Variants in EDA2R observed in about 807,000 individuals in gnomAD.
EDA2R encodes ectodysplasin A2 receptor.
A neutral mutation model predicts 20.1 loss-of-function variants in EDA2R; 26 were observed. The observed-to-expected ratio is 1.30, with a 90% confidence interval of 0.95 to 1.80. The LOEUF is 1.80. Ranked by LOEUF, EDA2R falls within the 40% of genes most tolerant of loss-of-function variation. The probability of loss-of-function intolerance (pLI) is 0.00; values close to 1 mark genes in which losing one functional copy is unlikely to be tolerated. For synonymous variants in EDA2R, 114 were observed against 88.7 expected (o/e 1.29, Z -1.60); for missense variants, 277 against 228.7 (o/e 1.21, Z -1.36).
intron 2 of EDA2R, among the ~76,000 whole-genome samples, chrX:66,606,864 G>A (rs1929774275): frequency 9.0e-6 from 1 of 111,716 alleles, no homozygotes; most frequent in South Asian, 3.8e-4. Context: ...GCTATTTGAA[G>A]GACTGATACA....
At chrX:66,633,923 G>T (rs1249375916) in intron 1 of EDA2R, among the ~76,000 whole-genome samples, 1 of 111,258 alleles carries the variant, frequency 9.0e-6, no homozygotes, top group East Asian at 2.8e-4. Flanking sequence ...AAGTTTGTTG[G>T]TCTTGCCCCA....
intron 1 of EDA2R, among the ~76,000 whole-genome samples, chrX:66,619,869 A>G (rs950136998): frequency 2.5e-4 from 28 of 111,660 alleles, no homozygotes; most frequent in Non-Finnish European, 4.5e-4. Flanking sequence ...AGTACAACAT[A>G]TACATAGTAA....
chrX:66,631,734 A>G (rs969761848), intron 1 of EDA2R, among the ~76,000 whole-genome samples: 1 of 111,853 alleles, frequency 8.9e-6, no homozygotes, highest in Admixed American at 9.5e-5. Flanking sequence ...AAGTGAAGAC[A>G]AACAGAATGA....
chrX:66,638,086 G>T (rs1275358365), intron 1 of EDA2R, among the ~76,000 whole-genome samples: 1 of 112,104 alleles, frequency 8.9e-6, no homozygotes, highest in Non-Finnish European at 1.9e-5. Context: ...AACCTCTCTT[G>T]TGTTATATTA....
At chrX:66,629,885 C>G (rs2148001889) in intron 1 of EDA2R, among the ~76,000 whole-genome samples, 1 of 111,130 alleles carries the variant, frequency 9.0e-6, no homozygotes, top group African/African-American at 3.3e-5. Context: ...ATAACCAAAA[C>G]AAGACTATGC....
intron 2 of EDA2R, among the ~76,000 whole-genome samples, chrX:66,606,977 G>T (rs1465385722): frequency 8.9e-6 from 1 of 112,344 alleles, no homozygotes; most frequent in Non-Finnish European, 1.9e-5. Flanking sequence ...CAATACCTAG[G>T]GCAATGATTA....
intron 1 of EDA2R, among the ~76,000 whole-genome samples, chrX:66,620,802 C>A (rs1932465707): frequency 9.2e-6 from 1 of 108,789 alleles, no homozygotes; most frequent in African/African-American, 3.3e-5. Flanking sequence ...ACTCTTGCAA[C>A]TCAAAAAAAG....
At position 66,600,005 on chromosome X, in the gene EDA2R, A is replaced by G. The variant is rs1313324326; in HGVS notation, c.518-145T>C. The G allele has an allele frequency of 6.1e-6, 7 of 1,140,007 alleles. No individual in the cohort carries two copies. The Admixed American group carries it at 1.6e-4, about 26-fold the overall frequency. 93.9% of individuals were successfully genotyped at this position (1,140,007 alleles called of 1,213,427 possible). A position where few individuals can be genotyped will look rare whatever the true frequency, so the allele number is the denominator to read the frequency against. ...CCTGGGGTCTAGAGCACCTAGCACC[A>G]GGCTGAGGTGACACAGTTGAGAAAC... On this transcript the variant is annotated intron_variant, in intron 5 of 6. Transcript: ENST00000374719.
chrX:66,629,974 T>C (rs1011649165), intron 1 of EDA2R, among the ~76,000 whole-genome samples: 5 of 111,624 alleles, frequency 4.5e-5, no homozygotes, highest in African/African-American at 1.6e-4. Flanking sequence ...AACAGCATGG[T>C]ACTGGTATAT....
chrX:66,606,483 C>A (rs1055356341), intron 2 of EDA2R, among the ~76,000 whole-genome samples: 2 of 111,650 alleles, frequency 1.8e-5, no homozygotes, highest in East Asian at 2.8e-4. Flanking sequence ...AGAATGATAG[C>A]GGAAGCCAGA....
At chrX:66,621,005 G>A (rs1219114880) in intron 1 of EDA2R, among the ~76,000 whole-genome samples, 2 of 106,661 alleles carry the variant, frequency 1.9e-5, no homozygotes, top group Non-Finnish European at 3.9e-5. Flanking sequence ...GGCCAGGCAC[G>A]GTGGCTCACG....
intron 1 of EDA2R, among the ~76,000 whole-genome samples, chrX:66,623,452 C>G (rs1932819502): frequency 9.0e-6 from 1 of 111,587 alleles, no homozygotes; most frequent in Admixed American, 9.5e-5. Context: ...ATAAGTCCTA[C>G]ACAGTTTTGG....
intron 1 of EDA2R, among the ~76,000 whole-genome samples, chrX:66,617,016 T>C (rs1283059512): frequency 8.9e-6 from 1 of 112,249 alleles, no homozygotes; most frequent in Non-Finnish European, 1.9e-5. Flanking sequence ...ATGAAGGGGC[T>C]AAAGTAATTC....
At position 66,599,600 on chromosome X, in the gene EDA2R, G is replaced by A. The variant is rs1483472224; in HGVS notation, c.778C>T (p.Gln260Ter). The change falls in exon 6 of 7, where the codon CAA (glutamine) becomes TAA (stop). Residue 260 changes from glutamine to a stop codon, truncating the protein, a stop_gained. Coordinates refer to ENST00000374719, the MANE Select transcript of EDA2R (RefSeq NM_021783.5). LOFTEE classifies it high-confidence loss of function. ...TAGGAGGCAGAGCTGGAAAACTTTTGCAGGTCCAGCTCTGTGCATTCGATG... is the reference window on the plus strand; with the variant it reads ...TAGGAGGCAGAGCTGGAAAACTTTTACAGGTCCAGCTCTGTGCATTCGATG... ...SPIECTELDLQKFSSSASYTG... is the reference protein window; with the variant it reads ...SPIECTELDL 6.0e-5 allele frequency: 72 copies of A among 1,198,806 alleles called. No individual in the cohort carries two copies. Among genetic ancestry groups the A allele is most frequent in the Non-Finnish European group, 7.9e-5 (70 of 889,626 alleles).
chrX:66,624,451 T>G lies in EDA2R; in HGVS notation c.-10-8421A>C, dbSNP rs1932878456. On this transcript the variant is annotated intron_variant, in intron 1 of 6. Coordinates refer to ENST00000374719, the MANE Select transcript of EDA2R (RefSeq NM_021783.5). Reference sequence around the variant, plus strand: ...CAAGAATTGCTTGAACCCAGGAGGCTGAGTTTGCTGTAAACCAAGATTGTG... The same window carrying G: ...CAAGAATTGCTTGAACCCAGGAGGCGGAGTTTGCTGTAAACCAAGATTGTG... Among the ~76,000 whole-genome samples the G allele has an allele frequency of 3.6e-5, 4 of 111,968 alleles. No homozygotes were observed. The South Asian group carries it at 1.1e-3, about 32-fold the overall frequency.
At chrX:66,628,434 A>T (rs1396954872) in intron 1 of EDA2R, among the ~76,000 whole-genome samples, 5 of 111,350 alleles carry the variant, frequency 4.5e-5, no homozygotes, top group Non-Finnish European at 9.4e-5. Context: ...AAATTGATAG[A>T]CCATTAGCAA....
intron 1 of EDA2R, among the ~76,000 whole-genome samples, chrX:66,623,633 T>C (rs1389838236): frequency 8.9e-6 from 1 of 111,916 alleles, no homozygotes; most frequent in Non-Finnish European, 1.9e-5. Context: ...CCTTAAGTTC[T>C]ACTACTCTTT....
At chrX:66,602,823 T>C in intron 4 of EDA2R, 26 bp from the exon 5 acceptor site, 2 of 1,150,982 alleles carry the variant, frequency 1.7e-6, no homozygotes, top group Non-Finnish European at 2.3e-6. Context: ...ATGGGGGAGG[T>C]CAGTTAGCAT....
chrX:66,630,266 G>A (rs5965284), intron 1 of EDA2R, among the ~76,000 whole-genome samples: 7,180 of 111,180 alleles, frequency 0.065, 572 homozygotes, highest in African/African-American at 0.22. Context: ...AAAACCCTTC[G>A]AGACATTGGC....
Sources: gnomAD v4.1 joint callset for allele counts (sites outside exome capture counted in the v4.1 genomes callset) on GRCh38, gnomAD v4.1.1 for gene constraint, MANE v1.5 for transcripts, NCBI Gene and HGNC (gene_info 2026-07-23, HGNC 2026-07-21) for gene names.